NUP214: variants seen among roughly 807,000 people sequenced by gnomAD.
The protein encoded by NUP214 is nucleoporin 214.
In NUP214, 79 loss-of-function variants were observed where a neutral mutation model predicts 196.2. The observed-to-expected ratio is 0.40, with a 90% CI of 0.34 to 0.49. NUP214 has a LOEUF of 0.49. Among genes scored for constraint, NUP214 ranks in the 20% least tolerant of loss-of-function variants. The pLI, the probability that NUP214 is intolerant of heterozygous loss-of-function variation, is 0.58. For missense variants in NUP214, 2,468 were observed against 2,539.0 expected (o/e 0.97, Z 0.60); for synonymous variants, 1,020 against 990.5 (o/e 1.03, Z -0.56).
In NUP214 at chr9:131,215,254, A is replaced by C; in HGVS notation, c.5635A>C (p.Thr1879Pro). Residue 1879 changes from threonine (T) to proline (P), a missense_variant, in exon 31 of 36, where the codon ACT (threonine) becomes CCT (proline). By Grantham distance (38) the Thr-to-Pro change is conservative. This residue lies in a region of NUP214 where 262 missense variants were observed against 296.5 expected (regional missense o/e 0.88). Coordinates refer to ENST00000359428, the MANE Select transcript of NUP214 (RefSeq NM_005085.4). The part of the protein sequence containing the change: ...SSGSVFGSGN[T>P]GRGGGFFSGL... The stretch of plus-strand genomic sequence containing the variant: ...TGGTAGCGTGTTTGGGTCTGGAAAC[A>C]CTGGAAGAGGGGGAGGTTTCTTCAG... The C allele has an allele frequency of 6.2e-7, 1 of 1,601,298 alleles. No individual in the cohort carries two copies. The highest frequency in any genetic ancestry group is 8.5e-7 in the Non-Finnish European group (1 of 1,174,224).
In NUP214 at chr9:131,197,920, C is replaced by T; in HGVS notation, c.4426C>T (p.Leu1476Phe). The change falls in exon 29 of 36, where the codon CTC (leucine) becomes TTC (phenylalanine). Residue 1476 changes from leucine (L) to phenylalanine (F), a missense_variant. Around this residue, in one of 5 missense-constraint regions of NUP214, gnomAD observed 1,801 missense variants for 1,779.4 expected, o/e 1.01. Transcript: ENST00000359428. The stretch of plus-strand genomic sequence containing the variant: ...ATTCCCCACATTGTCATTTGGTAGC[C>T]TCCTGAGTTCAGCAACTACCCCCTC... The part of the protein sequence containing the change: ...TSFPTLSFGS[L>F]LSSATTPSLP... 1 of 1,614,168 alleles carries T rather than the reference C, an allele frequency of 6.2e-7. No homozygotes were observed. Among genetic ancestry groups the T allele is most frequent in the South Asian group, 1.1e-5 (1 of 91,086 alleles).
chr9:131,169,032 T>G lies in NUP214; in HGVS notation c.2893+4888T>G, dbSNP rs1393572479. On this transcript the variant is annotated intron_variant, in intron 21 of 35. Coordinates refer to ENST00000359428, the MANE Select transcript of NUP214 (RefSeq NM_005085.4). ...GGTATTCTGCTTACTTTGTTTTTTT[T>G]TGTTTTTTTTTTTTTTTTGGAGACA... 2.0e-3 allele frequency among the ~76,000 whole-genome samples: 115 copies of G among 56,956 alleles called. 1 individual carries two copies. In the South Asian group the frequency reaches 0.059, roughly 29 times the overall value. 37.4% of individuals were successfully genotyped at this position (56,956 alleles called of 152,430 possible). A position where few individuals can be genotyped will look rare whatever the true frequency, so the allele number is the denominator to read the frequency against.
intron 7 of NUP214, 38 bp from the exon 8 acceptor site, chr9:131,134,860 G>A (rs1178764919): frequency 1.5e-6 from 2 of 1,340,504 alleles, no homozygotes; most frequent in Non-Finnish European, 2.1e-6. Context: ...GAGAAAAATT[G>A]CACATGAGAA....
At chr9:131,195,527 G>C in intron 28 of NUP214, 1 of 452,818 alleles carries the variant, frequency 2.2e-6, no homozygotes, top group Non-Finnish European at 3.9e-6. Context: ...GAAAATCAGG[G>C]CTGTGCTTTA....
At chr9:131,130,239 G>A (rs113936303) in intron 4 of NUP214, among the ~76,000 whole-genome samples, 2,795 of 149,316 alleles carry the variant, frequency 0.019, 42 homozygotes, top group Middle Eastern at 0.07. Context: ...CACCTGCTGG[G>A]TTCAAGCAAT....
At chr9:131,226,132 TCA>T (rs944899059) in intron 32 of NUP214, among the ~76,000 whole-genome samples, 2 of 152,194 alleles carry the variant, frequency 1.3e-5, no homozygotes, top group Admixed American at 6.5e-5. Flanking sequence ...TCTCTAAGTC[TCA>T]GTTTCCTCCC....
chr9:131,196,232 C>G (rs995069399), intron 28 of NUP214, among the ~76,000 whole-genome samples: 1 of 151,990 alleles, frequency 6.6e-6, no homozygotes, highest in Non-Finnish European at 1.5e-5. Flanking sequence ...AATTGCAGTT[C>G]ACTGCAACCC....
intron 11 of NUP214, among the ~76,000 whole-genome samples, chr9:131,142,842 A>T (rs759505626): frequency 6.6e-6 from 1 of 152,200 alleles, no homozygotes; most frequent in Non-Finnish European, 1.5e-5. Flanking sequence ...CATTAGACAA[A>T]GTGTCTTCCA....
chr9:131,197,688 ACCACCAGCAG>A lies in NUP214; in HGVS notation c.4204_4213del (p.Ala1402LeufsTer28), dbSNP rs749611636. On this transcript the variant is annotated frameshift_variant, in exon 29 of 36. Coordinates refer to ENST00000359428, the MANE Select transcript of NUP214 (RefSeq NM_005085.4). LOFTEE classifies it high-confidence loss of function. ...CCTCTGCAACCACCACCTCAGTAGC[ACCACCAGCAG>A]CCACCAGCACTTCCTCAACTGCCGT... 1 of 1,614,100 alleles carries A rather than the reference ACCACCAGCAG, an allele frequency of 6.2e-7. No homozygotes were observed. The highest frequency in any genetic ancestry group is 8.5e-7 in the Non-Finnish European group (1 of 1,180,004).
chr9:131,217,141 T>G (rs973069707), intron 31 of NUP214, among the ~76,000 whole-genome samples: 3 of 152,132 alleles, frequency 2.0e-5, no homozygotes, highest in Non-Finnish European at 2.9e-5. Flanking sequence ...AACTAGTCAG[T>G]TTTTTAGTTC....
chr9:131,126,641 C>G (rs189182842), intron 1 of NUP214, among the ~76,000 whole-genome samples: 1 of 151,656 alleles, frequency 6.6e-6, no homozygotes, highest in Non-Finnish European at 1.5e-5. Context: ...TCCACCTCCC[C>G]GGCTCAAGCG....
chr9:131,216,613 A>G (rs1291076579), intron 31 of NUP214, among the ~76,000 whole-genome samples: 2 of 148,548 alleles, frequency 1.3e-5, no homozygotes, highest in Non-Finnish European at 3.0e-5. Context: ...GCTCACTGCA[A>G]CCTCCCAGGT....
chr9:131,161,104 TC>T (rs1166932812), intron 18 of NUP214, among the ~76,000 whole-genome samples: 1 of 152,220 alleles, frequency 6.6e-6, no homozygotes, highest in Non-Finnish European at 1.5e-5. Context: ...AGCTTTTTTT[TC>T]CTTTGTAACA....
At chr9:131,130,151 G>GTTTTTTTT (rs56836232) in intron 4 of NUP214, among the ~76,000 whole-genome samples, 1 of 109,200 alleles carries the variant, frequency 9.2e-6, no homozygotes, top group Non-Finnish European at 1.7e-5. Context: ...TTTTTTTTTT[G>GTTTTTTTT]TTTTTTTTTT....
In NUP214 at chr9:131,198,965, CT is replaced by C. The variant is rs771679198; in HGVS notation, c.5472del (p.Ala1825ProfsTer36). The C allele has an allele frequency of 8.1e-6, 13 of 1,613,028 alleles. No homozygotes were observed. The highest frequency in any genetic ancestry group is 1.7e-5 in the Admixed American group (1 of 59,958). On this transcript the variant is annotated frameshift_variant, in exon 29 of 36. Transcript: ENST00000359428. LOFTEE classifies it high-confidence loss of function. Reference protein sequence around the residue: ...QGGSVFGGTSAATTTAATSGF... With the variant: ...QGGSVFGGTSXATTTAATSGF... ...GGCTCTGTCTTTGGTGGTACCTCAG[CT>C]GCCACCACAACAGCAGCAACCTCTG...
intron 19 of NUP214, among the ~76,000 whole-genome samples, chr9:131,163,549 G>C (rs1283667046): frequency 6.6e-6 from 1 of 152,058 alleles, no homozygotes; most frequent in African/African-American, 2.4e-5. Context: ...TGAATGGGGG[G>C]ACTTTCAGAC....
At chr9:131,177,430 C>T (rs1833149701) in intron 23 of NUP214, among the ~76,000 whole-genome samples, 1 of 152,120 alleles carries the variant, frequency 6.6e-6, no homozygotes, top group African/African-American at 2.4e-5. Flanking sequence ...AGGATTGTTC[C>T]ACTCAGCAGA....
intron 33 of NUP214, 187 bp downstream of exon 33, chr9:131,228,518 T>C: frequency 1.9e-6 from 1 of 521,082 alleles, no homozygotes; most frequent in Non-Finnish European, 3.2e-6. Context: ...AGCCAGGCTT[T>C]GTTGAATTCA....
intron 6 of NUP214, 95 bp downstream of exon 6, chr9:131,132,754 A>G: frequency 1.9e-6 from 2 of 1,069,164 alleles, no homozygotes; most frequent in Non-Finnish European, 1.4e-6. Context: ...TCAGTGAGGT[A>G]TTGGTGTTTG....
Sources: allele counts gnomAD v4.1 joint callset (sites outside exome capture counted in the v4.1 genomes callset), GRCh38; gene constraint gnomAD v4.1.1; regional missense constraint gnomAD v4.1.1; transcripts MANE v1.5; gene names NCBI Gene and HGNC (gene_info 2026-07-23, HGNC 2026-07-21).